Variants in CDH13 observed in about 807,000 individuals in gnomAD.
CDH13 encodes the protein cadherin-13.
In CDH13, 24 loss-of-function variants were observed where a neutral mutation model predicts 63.8. That is an observed-to-expected ratio of 0.38 (90% confidence interval 0.27 to 0.53). The LOEUF is 0.53. CDH13 is among the 20% of genes least tolerant of loss of function. The pLI is 0.85. For missense variants in CDH13, 1,049 were observed against 903.1 expected, an observed-to-expected ratio of 1.16 and a Z score of -2.07; for synonymous variants, 503 against 355.3, an observed-to-expected ratio of 1.42 and a Z score of -4.67.
chr16:83,429,267 T>C (rs1336439709), intron 6 of CDH13, among the ~76,000 whole-genome samples: 1 of 152,128 alleles, frequency 6.6e-6, no homozygotes, highest in East Asian at 1.9e-4. Flanking sequence ...TTTTCTAAGA[T>C]TGGTCCAGAG....
At chr16:83,735,130 G>C (rs925720157) in intron 10 of CDH13, 12 of 152,152 alleles carry the variant, frequency 7.9e-5, no homozygotes, top group African/African-American at 2.9e-4. Flanking sequence ...AGTGAACACA[G>C]ATGAACCAAG....
intron 2 of CDH13, among the ~76,000 whole-genome samples, chr16:82,906,902 C>T (rs2041665119): frequency 6.6e-6 from 1 of 152,126 alleles, no homozygotes; most frequent in South Asian, 2.1e-4. Context: ...TTTGTAAGGA[C>T]ACCAGTCTTT....
At chr16:83,660,203 C>T (rs1913312346) in intron 8 of CDH13, among the ~76,000 whole-genome samples, 2 of 152,144 alleles carry the variant, frequency 1.3e-5, no homozygotes, top group African/African-American at 4.8e-5. Flanking sequence ...TTGTGTGTTT[C>T]ATTTCTATTA....
chr16:83,670,816 T>G lies in CDH13; in HGVS notation c.1128T>G (p.Ala376=). ...KEFQATVEEG[A]VGVIVNLTVE... ...TTCAAGCCACAGTCGAGGAAGGAGC[T>G]GTGGGAGTTATTGTCAATTTGACAG... Residue 376 remains alanine (A), a synonymous_variant, in exon 9 of 14, where the codon GCT becomes GCG. Transcript: ENST00000567109. 1 of 1,613,936 alleles carries G rather than the reference T, an allele frequency of 6.2e-7. No homozygotes were observed. The highest frequency in any genetic ancestry group is 1.7e-5 in the Admixed American group (1 of 60,022).
At chr16:83,756,583 G>A (rs890125744) in intron 11 of CDH13, among the ~76,000 whole-genome samples, 29 of 152,144 alleles carry the variant, frequency 1.9e-4, no homozygotes, top group African/African-American at 6.8e-4. Flanking sequence ...TTCAGCTACT[G>A]TTAGTGTTAG....
intron 2 of CDH13, among the ~76,000 whole-genome samples, chr16:82,920,461 A>G (rs2042119893): frequency 6.6e-6 from 1 of 152,218 alleles, no homozygotes; most frequent in South Asian, 2.1e-4. Context: ...CAACAAAGAC[A>G]ACATACACTG....
chr16:83,420,302 C>T (rs956229235), intron 6 of CDH13, among the ~76,000 whole-genome samples: 6 of 152,084 alleles, frequency 3.9e-5, no homozygotes, highest in Non-Finnish European at 1.5e-5. Context: ...AAAATTGGAG[C>T]AGGAGGTCTG....
intron 4 of CDH13, among the ~76,000 whole-genome samples, chr16:83,140,222 C>G (rs1280693808): frequency 2.0e-5 from 3 of 152,172 alleles, no homozygotes; most frequent in African/African-American, 7.2e-5. Flanking sequence ...CATGGCCGGC[C>G]CACACTTTGA....
At chr16:83,253,508 C>A (rs1204614262) in intron 5 of CDH13, among the ~76,000 whole-genome samples, 3 of 152,180 alleles carry the variant, frequency 2.0e-5, no homozygotes, top group African/African-American at 7.2e-5. Context: ...GTGCCTTCTG[C>A]CATTAAGCAG....
At chr16:82,642,947 C>G (rs1045901598) in intron 1 of CDH13, among the ~76,000 whole-genome samples, 1 of 152,162 alleles carries the variant, frequency 6.6e-6, no homozygotes, top group Non-Finnish European at 1.5e-5. Context: ...CAATTCCAGA[C>G]ACACAAGACC....
intron 5 of CDH13, among the ~76,000 whole-genome samples, chr16:83,319,066 C>T (rs1023609603): frequency 6.6e-6 from 1 of 151,322 alleles, no homozygotes; most frequent in African/African-American, 2.4e-5. Flanking sequence ...AATAGATGCA[C>T]CTGCAAGTGA....
rs180905634 is a variant in CDH13 at position 82,705,692 on chromosome 16, T to A, written c.45+78555T>A. Among the ~76,000 whole-genome samples the A allele has an allele frequency of 5.3e-5, 8 of 152,322 alleles. No homozygotes were observed. In the East Asian group the frequency reaches 1.5e-3, roughly 29 times the overall value. On this transcript the variant is annotated intron_variant, in intron 1 of 13. Transcript: ENST00000567109. ...CAAAACTAGTCCTCAAGTTTTGAAA[T>A]TTTAGAGACTTAAAAAAAATCAATA...
intron 13 of CDH13, among the ~76,000 whole-genome samples, chr16:83,794,476 C>T (rs1916474646): frequency 6.6e-6 from 1 of 152,162 alleles, no homozygotes. Flanking sequence ...TCGCTTGAGC[C>T]CAGGAGGCAG....
intron 7 of CDH13, among the ~76,000 whole-genome samples, chr16:83,575,002 A>T (rs1411153622): frequency 6.6e-6 from 1 of 152,220 alleles, no homozygotes; most frequent in Non-Finnish European, 1.5e-5. Context: ...CCGAACGCCC[A>T]TCCACTAATG....
intron 1 of CDH13, among the ~76,000 whole-genome samples, chr16:82,697,048 G>A (rs1195467326): frequency 1.3e-5 from 2 of 152,130 alleles, no homozygotes; most frequent in Non-Finnish European, 2.9e-5. Flanking sequence ...GAAGGAACCA[G>A]AACACCAGTT....
intron 7 of CDH13, among the ~76,000 whole-genome samples, chr16:83,504,142 A>C (rs1163573873): frequency 6.6e-6 from 1 of 152,142 alleles, no homozygotes; most frequent in Non-Finnish European, 1.5e-5. Flanking sequence ...GAAATAAAAG[A>C]TGCCCGTTCC....
intron 5 of CDH13, among the ~76,000 whole-genome samples, chr16:83,255,650 G>A (rs980898141): frequency 1.3e-5 from 2 of 152,126 alleles, no homozygotes; most frequent in Non-Finnish European, 2.9e-5. Flanking sequence ...TAGACCTGTT[G>A]TTTTCCTGGC....
rs1175314693 is a variant in CDH13 at position 82,672,968 on chromosome 16, C to CACCA, written c.45+45832_45+45835dup. 2.1e-5 allele frequency among the ~76,000 whole-genome samples: 3 copies of CACCA among 144,622 alleles called. No individual in the cohort carries two copies. In the East Asian group the frequency reaches 5.9e-4, roughly 29 times the overall value. The allele number at this position is 144,622 out of a possible 152,430, so 94.9% of individuals were successfully genotyped here. A position where few individuals can be genotyped will look rare whatever the true frequency, so the allele number is the denominator to read the frequency against. On this transcript the variant is annotated intron_variant, in intron 1 of 13. Transcript: ENST00000567109. ...CAGCTGGGACCGCAGGATTGCGTGC[C>CACCA]ACCATGTATGGCTAATTTTTATAAA...
intron 6 of CDH13, among the ~76,000 whole-genome samples, chr16:83,477,517 G>T (rs983319238): frequency 2.0e-5 from 3 of 152,156 alleles, no homozygotes; most frequent in Admixed American, 2.0e-4. Flanking sequence ...TGTATCAGGA[G>T]TATATATATC....
Sources: allele counts gnomAD v4.1 joint callset (sites outside exome capture counted in the v4.1 genomes callset), GRCh38; gene constraint gnomAD v4.1.1; transcripts MANE v1.5; gene names NCBI Gene and HGNC (gene_info 2026-07-23, HGNC 2026-07-21).